CASP10: variants seen among roughly 807,000 people sequenced by gnomAD.
CASP10 encodes caspase 10.
A neutral mutation model predicts 48.5 loss-of-function variants in CASP10; 41 were observed. That is an observed-to-expected ratio of 0.85 (90% CI 0.66 to 1.10). CASP10 has a LOEUF of 1.10. Ranked by LOEUF, CASP10 falls within the 50% of genes least tolerant of loss-of-function variation. The pLI is 0.00. For missense variants in CASP10, 614 were observed against 614.5 expected (o/e 1.00, Z 0.01); for synonymous variants, 232 against 238.4 (o/e 0.97, Z 0.25).
At position 201,185,768 on chromosome 2, in the gene CASP10, C is replaced by A. The variant is rs1230780628; in HGVS notation, c.-7-3C>A. ...CCCTGCCCCACCTCTCTGTCCCTTTCAGGCTGGCCATGAAATCTCAAGGTC... is the reference window on the plus strand; with the variant it reads ...CCCTGCCCCACCTCTCTGTCCCTTTAAGGCTGGCCATGAAATCTCAAGGTC... On this transcript the variant is annotated splice_region_variant and splice_polypyrimidine_tract_variant and intron_variant, in intron 1 of 9. Transcript: ENST00000286186. 6.2e-7 allele frequency: 1 copy of A among 1,601,810 alleles called. No homozygotes were observed. The highest frequency in any genetic ancestry group is 1.1e-5 in the South Asian group (1 of 90,708).
In CASP10 at chr2:201,203,715, T is replaced by G. The variant is rs777024865; in HGVS notation, c.685-15T>G. On this transcript the variant is annotated splice_polypyrimidine_tract_variant and intron_variant, in intron 5 of 9. Coordinates refer to ENST00000286186, the MANE Select transcript of CASP10 (RefSeq NM_032977.4). ...GAAATTCCTATGTTTCATGCCCTCC[T>G]TTCTTTTTTCTCAGCAGGAGTCCTG... The G allele has an allele frequency of 6.2e-7, 1 of 1,612,206 alleles. No individual in the cohort carries two copies. Among genetic ancestry groups the G allele is most frequent in the South Asian group, 1.1e-5 (1 of 91,048 alleles).
At position 201,220,014 on chromosome 2, in the gene CASP10, T is replaced by A. The variant is rs1945681943; in HGVS notation, c.*2273T>A. 1.0e-6 allele frequency: 1 copy of A among 985,364 alleles called. No homozygotes were observed. Among genetic ancestry groups the A allele is most frequent in the Non-Finnish European group, 1.2e-6 (1 of 829,940 alleles). 61.0% of individuals were successfully genotyped at this position (985,364 alleles called of 1,614,324 possible). On this transcript the variant is annotated 3_prime_UTR_variant, in exon 10 of 10. Transcript: ENST00000286186. ...AGGAATGAAGAACAACAACTCTCAG[T>A]GGTGCCTGCATTTATAATTATTTAT...
In CASP10 at chr2:201,220,482, C is replaced by T. The variant is rs1481895284; in HGVS notation, c.*2741C>T. On this transcript the variant is annotated 3_prime_UTR_variant, in exon 10 of 10. Transcript: ENST00000286186. ...CAGACTGGAGGGGGGTGGGGTGTAC[C>T]TACAGCTGCAGAAATATTGTATGGG... The T allele has an allele frequency of 2.6e-5, 4 of 153,748 alleles. No homozygotes were observed. The highest frequency in any genetic ancestry group is 9.7e-5 in the African/African-American group (4 of 41,450). 9.5% of individuals were successfully genotyped at this position (153,748 alleles called of 1,614,324 possible).
chr2:201,195,963 GTGCTGGTC>G lies in CASP10; in HGVS notation c.684+16_684+23del. On this transcript the variant is annotated intron_variant, in intron 5 of 9. Coordinates refer to ENST00000286186, the MANE Select transcript of CASP10 (RefSeq NM_032977.4). ...AAGCCTTACCGGTAGGTTCAGTGGT[GTGCTGGTC>G]AATGCTTAACAACCGGCTCCACCCT... is the stretch of plus-strand genomic sequence containing the variant. The G allele has an allele frequency of 6.4e-7, 1 of 1,566,184 alleles. No individual in the cohort carries two copies. The highest frequency in any genetic ancestry group is 1.7e-4 in the Middle Eastern group (1 of 5,988).
chr2:201,214,845 T>C (rs1286741516), intron 9 of CASP10: 1 of 152,104 alleles, frequency 6.6e-6, no homozygotes, highest in Non-Finnish European at 1.5e-5. Flanking sequence ...GATAATATTA[T>C]TCCTTCTAGG....
intron 2 of CASP10, among the ~76,000 whole-genome samples, chr2:201,187,349 AC>A (rs1944449666): frequency 6.6e-6 from 1 of 151,986 alleles, no homozygotes; most frequent in Non-Finnish European, 1.5e-5. Context: ...GGTCCTATCT[AC>A]CAAGGGCCTG....
intron 5 of CASP10, among the ~76,000 whole-genome samples, chr2:201,200,953 C>T (rs1342662503): frequency 6.6e-6 from 1 of 152,096 alleles, no homozygotes; most frequent in Non-Finnish European, 1.5e-5. Context: ...CCAATTAAAG[C>T]AACATTTATG....
intron 5 of CASP10, among the ~76,000 whole-genome samples, chr2:201,201,120 G>C (rs1212390014): frequency 6.6e-6 from 1 of 151,998 alleles, no homozygotes; most frequent in Non-Finnish European, 1.5e-5. Flanking sequence ...TGCAATCTCA[G>C]CTCAATGCAA....
At chr2:201,201,382 C>T (rs966165421) in intron 5 of CASP10, among the ~76,000 whole-genome samples, 2 of 151,964 alleles carry the variant, frequency 1.3e-5, no homozygotes, top group Non-Finnish European at 2.9e-5. Flanking sequence ...TTTAGGATTC[C>T]CTAATTCTAA....
intron 3 of CASP10, among the ~76,000 whole-genome samples, chr2:201,192,572 G>A (rs1247068665): frequency 6.6e-6 from 1 of 151,986 alleles, no homozygotes; most frequent in Non-Finnish European, 1.5e-5. Context: ...GTGACTTAGA[G>A]TTCAGTGGTT....
At chr2:201,203,672 TC>T in intron 5 of CASP10, 57 bp from the exon 6 acceptor site, 1 of 1,464,694 alleles carries the variant, frequency 6.8e-7, no homozygotes, top group Non-Finnish European at 9.6e-7. Flanking sequence ...TAGTTTTTGT[TC>T]CTCATCCTAA....
chr2:201,205,439 C>T (rs1945169596), intron 6 of CASP10, among the ~76,000 whole-genome samples: 1 of 151,834 alleles, frequency 6.6e-6, no homozygotes. Flanking sequence ...CTAAGTTGTC[C>T]AGGCTGGTCT....
Position 201,209,253 on chromosome 2 carries a change from A to G in CASP10, c.1106A>G (p.Glu369Gly), listed in dbSNP as rs1945316149. 3.1e-6 allele frequency: 5 copies of G among 1,614,170 alleles called. No individual in the cohort carries two copies. The highest frequency in any genetic ancestry group is 4.2e-6 in the Non-Finnish European group (5 of 1,180,036). Residue 369 changes from glutamate (E) to glycine (G), a missense_variant, in exon 9 of 10, where the codon GAG becomes GGG. Coordinates refer to ENST00000286186, the MANE Select transcript of CASP10 (RefSeq NM_032977.4). ...TTTGGAGCTGTCTACTCTTCGGATG[A>G]GGCCCTCATTCCCATTCGGGAGATC... ...GRFGAVYSSD[E>G]ALIPIREIMS...
At position 201,218,212 on chromosome 2, in the gene CASP10, C is replaced by T. The variant is rs1945634782; in HGVS notation, c.*471C>T. 4.9e-6 allele frequency: 5 copies of T among 1,013,382 alleles called. No individual in the cohort carries two copies. The highest frequency in any genetic ancestry group is 1.0e-4 in the East Asian group (1 of 10,046). 62.8% of individuals were successfully genotyped at this position (1,013,382 alleles called of 1,614,324 possible). ...CTGGGATTATAGGCACGAGCCACCA[C>T]ACCTGGCCAGAAAACTTTCATTATT... On this transcript the variant is annotated 3_prime_UTR_variant, in exon 10 of 10. Transcript: ENST00000286186.
chr2:201,186,932 C>T (rs1306141822), intron 2 of CASP10, among the ~76,000 whole-genome samples: 1 of 152,168 alleles, frequency 6.6e-6, no homozygotes, highest in Non-Finnish European at 1.5e-5. Context: ...AAGTGATCCA[C>T]GCACCTCGGC....
At position 201,190,322 on chromosome 2, in the gene CASP10, A is replaced by T. The variant is rs955922840; in HGVS notation, c.441+2523A>T. On this transcript the variant is annotated intron_variant, in intron 3 of 9. Transcript: ENST00000286186. ...CACACACACACATGCACACACACAC[A>T]TGACCTAAAGGTTCAGTAATTCTTG... Among the ~76,000 whole-genome samples the T allele has an allele frequency of 2.6e-5, 4 of 152,234 alleles. No homozygotes were observed. In the East Asian group the frequency reaches 7.7e-4, roughly 29 times the overall value.
intron 9 of CASP10, among the ~76,000 whole-genome samples, chr2:201,215,866 T>C (rs1274420600): frequency 6.6e-6 from 1 of 152,058 alleles, no homozygotes; most frequent in Non-Finnish European, 1.5e-5. Context: ...AGGCTAGACT[T>C]GAACTCCTGG....
intron 3 of CASP10, 122 bp from the exon 4 acceptor site, chr2:201,192,862 G>T: frequency 1.0e-6 from 1 of 961,424 alleles, no homozygotes; most frequent in Non-Finnish European, 1.7e-6. Flanking sequence ...CAACTTGAGG[G>T]CAGATGCTGT....
rs757027719 is a variant in CASP10, at chr2:201,209,241, A to C, written c.1094A>C (p.Tyr365Ser). 14 of 1,613,506 alleles carry C rather than the reference A, an allele frequency of 8.7e-6. 1 individual carries two copies. Among genetic ancestry groups the C allele is most frequent in the Middle Eastern group, 3.3e-4 (2 of 6,082 alleles). ...ACCCATGGGAGATTTGGAGCTGTCT[A>C]CTCTTCGGATGAGGCCCTCATTCCC... is the stretch of plus-strand genomic sequence containing the variant. ...ILTHGRFGAV[Y>S]SSDEALIPIR... is the part of the protein sequence containing the mutation. The change falls in exon 9 of 10, where the codon TAC (tyrosine) becomes TCC (serine). Residue 365 changes from tyrosine (Y) to serine (S), a missense_variant. Tyr to Ser is a moderately radical substitution (Grantham distance 144, BLOSUM62 -2). Coordinates refer to ENST00000286186, the MANE Select transcript of CASP10 (RefSeq NM_032977.4).
Sources: allele counts gnomAD v4.1 joint callset (sites outside exome capture counted in the v4.1 genomes callset), GRCh38; gene constraint gnomAD v4.1.1; transcripts MANE v1.5; gene names NCBI Gene and HGNC (gene_info 2026-07-23, HGNC 2026-07-21).